The following SPTLC3 variants were observed in gnomAD, a reference collection of about 807,000 sequenced individuals.
SPTLC3 encodes the protein serine palmitoyltransferase long chain base subunit 3.
In SPTLC3, 36 loss-of-function variants were observed where a neutral mutation model predicts 59.3. The observed-to-expected ratio is 0.61, with a 90% confidence interval of 0.47 to 0.80. SPTLC3 has a LOEUF of 0.80. SPTLC3 is among the 30% of genes least tolerant of loss of function. The probability of loss-of-function intolerance (pLI) is 0.00; values close to 1 mark genes in which losing one functional copy is unlikely to be tolerated. For missense variants in SPTLC3, 625 were observed against 685.1 expected (o/e 0.91, Z 0.98); for synonymous variants, 257 against 240.8 (o/e 1.07, Z -0.62).
intron 2 of SPTLC3, among the ~76,000 whole-genome samples, chr20:13,061,170 A>G (rs1176389798): frequency 6.6e-6 from 1 of 152,094 alleles, no homozygotes; most frequent in Non-Finnish European, 1.5e-5. Context: ...TTATCTTTTG[A>G]GGAATACCGT....
At chr20:13,026,673 C>A (rs568907478) in intron 1 of SPTLC3, among the ~76,000 whole-genome samples, 2 of 152,124 alleles carry the variant, frequency 1.3e-5, no homozygotes, top group Non-Finnish European at 2.9e-5. Flanking sequence ...AGGTTAGGTG[C>A]GAACAAAGTG....
chr20:13,154,302 T>C (rs1238953141), intron 10 of SPTLC3, among the ~76,000 whole-genome samples, 164 bp downstream of exon 10: 2 of 152,068 alleles, frequency 1.3e-5, no homozygotes, highest in Non-Finnish European at 2.9e-5. Context: ...GCTAGACCCT[T>C]CCCACAGGTC....
At chr20:13,163,195 C>A (rs1487823535) in intron 11 of SPTLC3, among the ~76,000 whole-genome samples, 1 of 151,744 alleles carries the variant, frequency 6.6e-6, no homozygotes, top group African/African-American at 2.4e-5. Flanking sequence ...TGGTGAAACC[C>A]CATCTCTACT....
At position 13,166,095 on chromosome 20, in the gene SPTLC3, G is replaced by A. The variant is rs1347745123; in HGVS notation, c.*1228G>A. ...TTAACAAGCTCCCAGAGGGTGCCCA[G>A]ATTTGGAAATTCTAGAGAGCAGTGG... On this transcript the variant is annotated 3_prime_UTR_variant, in exon 12 of 12. Transcript: ENST00000399002. 1 of 152,646 alleles carries A rather than the reference G, an allele frequency of 6.6e-6. No homozygotes were observed. Among genetic ancestry groups the A allele is most frequent in the Non-Finnish European group, 1.5e-5 (1 of 68,048 alleles). 9.5% of individuals were successfully genotyped at this position (152,646 alleles called of 1,614,324 possible). A position where few individuals can be genotyped will look rare whatever the true frequency, so the allele number is the denominator to read the frequency against.
chr20:13,042,397 A>G (rs1987026884), intron 1 of SPTLC3, among the ~76,000 whole-genome samples: 1 of 152,158 alleles, frequency 6.6e-6, no homozygotes, highest in Non-Finnish European at 1.5e-5. Context: ...AGGTGGGGCA[A>G]TACCTTCTGG....
chr20:13,051,015 A>C (rs1421247075), intron 2 of SPTLC3: 1 of 152,206 alleles, frequency 6.6e-6, no homozygotes, highest in African/African-American at 2.4e-5. Flanking sequence ...ACAAGTTAAA[A>C]AGCAAAAACA....
intron 6 of SPTLC3, among the ~76,000 whole-genome samples, chr20:13,104,441 A>G (rs1989758660): frequency 6.6e-6 from 1 of 152,138 alleles, no homozygotes; most frequent in African/African-American, 2.4e-5. Context: ...GTCTGCCATC[A>G]CGTAAGATGT....
At chr20:13,124,751 C>T (rs1386603005) in intron 8 of SPTLC3, among the ~76,000 whole-genome samples, 1 of 152,156 alleles carries the variant, frequency 6.6e-6, no homozygotes, top group Admixed American at 6.5e-5. Context: ...GTTGAAAATG[C>T]TTGTGAGCAA....
At chr20:13,084,248 G>A (rs1243506937) in intron 4 of SPTLC3, among the ~76,000 whole-genome samples, 1 of 152,112 alleles carries the variant, frequency 6.6e-6, no homozygotes, top group Non-Finnish European at 1.5e-5. Flanking sequence ...ATGGAAGGAG[G>A]GGAATAAAAA....
intron 7 of SPTLC3, among the ~76,000 whole-genome samples, chr20:13,113,419 C>T (rs1329351628): frequency 1.3e-5 from 2 of 152,106 alleles, no homozygotes; most frequent in East Asian, 1.9e-4. Flanking sequence ...AGCCCACATA[C>T]ATCAATTTTT....
intron 6 of SPTLC3, among the ~76,000 whole-genome samples, chr20:13,102,611 C>G (rs1989643184): frequency 6.6e-6 from 1 of 152,176 alleles, no homozygotes; most frequent in Non-Finnish European, 1.5e-5. Flanking sequence ...GTACACCTCT[C>G]CCAGGGCCAA....
chr20:13,164,063 T>C (rs1038040621), intron 11 of SPTLC3, among the ~76,000 whole-genome samples: 2 of 151,956 alleles, frequency 1.3e-5, no homozygotes, highest in Non-Finnish European at 2.9e-5. Context: ...ACTCCCCCCA[T>C]CCCACAACAG....
intron 6 of SPTLC3, among the ~76,000 whole-genome samples, chr20:13,103,172 T>C (rs1989677458): frequency 6.6e-6 from 1 of 152,226 alleles, no homozygotes; most frequent in African/African-American, 2.4e-5. Flanking sequence ...TGTGATCTCA[T>C]GGAGAACAGA....
At chr20:13,054,445 T>C (rs1987633825) in intron 2 of SPTLC3, among the ~76,000 whole-genome samples, 1 of 152,142 alleles carries the variant, frequency 6.6e-6, no homozygotes, top group Non-Finnish European at 1.5e-5. Flanking sequence ...GATGCAGATA[T>C]ACAGGTTTAA....
intron 9 of SPTLC3, among the ~76,000 whole-genome samples, chr20:13,134,168 C>T (rs2038190286): frequency 6.6e-6 from 1 of 152,166 alleles, no homozygotes; most frequent in African/African-American, 2.4e-5. Flanking sequence ...CATAGGCCTT[C>T]AATACATACT....
At chr20:13,111,122 T>C (rs1023755303) in intron 7 of SPTLC3, among the ~76,000 whole-genome samples, 2 of 151,984 alleles carry the variant, frequency 1.3e-5, no homozygotes, top group Admixed American at 1.3e-4. Flanking sequence ...AGAAGCTTGG[T>C]TTCATTTTAT....
At chr20:13,072,154 T>C in intron 2 of SPTLC3, 102 bp from the exon 3 acceptor site, 1 of 1,277,858 alleles carries the variant, frequency 7.8e-7, no homozygotes, top group Non-Finnish European at 1.1e-6. Flanking sequence ...TCTGTAGATG[T>C]GTTATTTCCA....
intron 10 of SPTLC3, among the ~76,000 whole-genome samples, chr20:13,156,609 C>T (rs1266674316): frequency 6.6e-6 from 1 of 152,178 alleles, no homozygotes; most frequent in East Asian, 1.9e-4. Flanking sequence ...GATGTCCATA[C>T]AGCATTTGGC....
intron 11 of SPTLC3, among the ~76,000 whole-genome samples, chr20:13,161,728 A>G (rs1469252286): frequency 2.0e-5 from 3 of 152,228 alleles, no homozygotes; most frequent in African/African-American, 7.2e-5. Context: ...TGTTCCATAG[A>G]GTAGGCATTT....
Sources: gnomAD v4.1 joint callset for allele counts (sites outside exome capture counted in the v4.1 genomes callset) on GRCh38, gnomAD v4.1.1 for gene constraint, MANE v1.5 for transcripts, NCBI Gene and HGNC (gene_info 2026-07-23, HGNC 2026-07-21) for gene names.